The following TG variants were observed in gnomAD, a reference collection of about 807,000 sequenced individuals.
TG encodes the protein thyroglobulin, also known as thyroid hormones.
In TG, 270 loss-of-function variants were observed where a neutral mutation model predicts 324.7. The ratio of observed to expected loss-of-function variants is 0.83; its 90% CI spans 0.75 to 0.92. The LOEUF (loss-of-function observed/expected upper bound fraction) is 0.92. Ranked by LOEUF, TG falls within the 40% of genes least tolerant of loss-of-function variation. The pLI, the probability that TG is intolerant of heterozygous loss-of-function variation, is 0.00. For synonymous variants in TG, 1,401 were observed against 1,327.0 expected (o/e 1.06, Z -1.21); for missense variants, 3,591 against 3,456.4 (o/e 1.04, Z -0.98).
rs771809801 is a variant in TG at position 132,966,544 on chromosome 8, C to T, written c.5549-16C>T. The T allele has an allele frequency of 8.7e-6, 14 of 1,613,550 alleles. No individual in the cohort carries two copies. Among genetic ancestry groups the T allele is most frequent in the Non-Finnish European group, 1.1e-5 (13 of 1,179,886 alleles). The stretch of plus-strand genomic sequence containing the variant: ...AGTTAAAGGTGCAGGAAGTTGACTC[C>T]CTGCTTCTTTTTCAGGTTTGACAAC... On this transcript the variant is annotated splice_polypyrimidine_tract_variant and intron_variant, in intron 29 of 47. Coordinates refer to ENST00000220616, the MANE Select transcript of TG (RefSeq NM_003235.5).
intron 3 of TG, among the ~76,000 whole-genome samples, chr8:132,870,405 A>G (rs1839375649): frequency 6.8e-6 from 1 of 147,960 alleles, no homozygotes; most frequent in Admixed American, 6.8e-5. Flanking sequence ...CGCTGGCCCC[A>G]TACTCTCCTG....
chr8:132,908,628 G>A lies in TG; in HGVS notation c.4002+288G>A, dbSNP rs79143131. 5.2e-3 allele frequency among the ~76,000 whole-genome samples: 799 copies of A among 152,270 alleles called. 6 individuals carry two copies. Among genetic ancestry groups the A allele is most frequent in the African/African-American group, 0.014 (593 of 41,556 alleles). ...CTGAGGTCTAGTAGAGGGCTCAGAG[G>A]AGCCTGGCTAGAGTTTGGTTCATGA... is the stretch of plus-strand genomic sequence containing the variant. On this transcript the variant is annotated intron_variant, in intron 18 of 47. Coordinates refer to ENST00000220616, the MANE Select transcript of TG (RefSeq NM_003235.5).
intron 20 of TG, 56 bp downstream of exon 20, chr8:132,913,321 A>C: frequency 1.3e-6 from 2 of 1,554,712 alleles, no homozygotes; most frequent in East Asian, 4.5e-5. Context: ...GCTTTAGGAA[A>C]GGCCACCTCA....
intron 41 of TG, among the ~76,000 whole-genome samples, chr8:133,092,396 A>G (rs1437731920): frequency 1.3e-5 from 2 of 152,244 alleles, no homozygotes; most frequent in African/African-American, 4.8e-5. Context: ...ACTCCTCGCC[A>G]TTGAATAGCT....
chr8:132,946,353 T>C (rs1825293283), intron 26 of TG, among the ~76,000 whole-genome samples: 1 of 152,198 alleles, frequency 6.6e-6, no homozygotes, highest in Admixed American at 6.5e-5. Flanking sequence ...CCCTCCAAGT[T>C]TAACCTGTGA....
chr8:133,130,227 G>A (rs1042469270), intron 45 of TG, among the ~76,000 whole-genome samples: 2 of 152,154 alleles, frequency 1.3e-5, no homozygotes, highest in African/African-American at 4.8e-5. Context: ...GTTTATTTCT[G>A]TTCACTAGAA....
intron 41 of TG, among the ~76,000 whole-genome samples, chr8:133,075,748 C>G (rs569475121): frequency 6.6e-6 from 1 of 152,102 alleles, no homozygotes; most frequent in East Asian, 1.9e-4. Flanking sequence ...AAACCACAAT[C>G]ATTGTGGCAC....
rs115289948 is a variant in TG at position 132,935,187 on chromosome 8, C to T, written c.4933-569C>T. Among the ~76,000 whole-genome samples the T allele has an allele frequency of 3.1e-3, 458 of 149,324 alleles. 1 individual carries two copies. The highest frequency in any genetic ancestry group is 0.011 in the African/African-American group (434 of 40,670). On this transcript the variant is annotated intron_variant, in intron 24 of 47. Coordinates refer to ENST00000220616, the MANE Select transcript of TG (RefSeq NM_003235.5). Reference sequence around the variant, plus strand: ...ACAGAGTTTCACTCTGTCGTCCAGGCTGGAGTACAGTGGTGCAAACTAGGC... The same window carrying T: ...ACAGAGTTTCACTCTGTCGTCCAGGTTGGAGTACAGTGGTGCAAACTAGGC...
chr8:133,113,640 C>T (rs756534668), intron 44 of TG, 37 bp downstream of exon 44: 7 of 1,606,220 alleles, frequency 4.4e-6, no homozygotes, highest in Non-Finnish European at 6.0e-6. Flanking sequence ...ATTCCTACTG[C>T]TATGTTTTGG....
At chr8:133,114,098 T>G (rs10095146) in intron 44 of TG, among the ~76,000 whole-genome samples, 2,677 of 152,276 alleles carry the variant, frequency 0.018, 69 homozygotes, top group African/African-American at 0.06. Context: ...CTCCCTCAGC[T>G]GATTCCACCT....
intron 41 of TG, among the ~76,000 whole-genome samples, chr8:133,077,825 C>A (rs967084888): frequency 2.0e-5 from 3 of 151,758 alleles, no homozygotes; most frequent in Admixed American, 2.0e-4. Flanking sequence ...GAGGATGTGC[C>A]ACAGCATCTC....
At chr8:133,011,836 C>T (rs1834534899) in intron 35 of TG, 65 bp from the exon 36 acceptor site, 2 of 1,611,216 alleles carry the variant, frequency 1.2e-6, no homozygotes, top group South Asian at 1.1e-5. Flanking sequence ...TTGGGTAATA[C>T]ACGGCTGTCT....
At chr8:132,921,299 C>T (rs564882993) in intron 21 of TG, among the ~76,000 whole-genome samples, 1 of 152,312 alleles carries the variant, frequency 6.6e-6, no homozygotes, top group South Asian at 2.1e-4. Flanking sequence ...ATTCCCCACC[C>T]ATTTTGGGGG....
rs567422883 is a variant in TG at position 133,074,919 on chromosome 8, G to A, written c.7240-20125G>A. On this transcript the variant is annotated intron_variant, in intron 41 of 47. Coordinates refer to ENST00000220616, the MANE Select transcript of TG (RefSeq NM_003235.5). The stretch of plus-strand genomic sequence containing the variant: ...AGGGATTGCTGGGTGCAGAGTCACT[G>A]CCTCTCCGTCTGTCAACTGCTGCTG... 7.5e-5 allele frequency: 74 copies of A among 985,516 alleles called. No individual in the cohort carries two copies. In the South Asian group the frequency reaches 2.0e-3, roughly 27 times the overall value. 61.0% of individuals were successfully genotyped at this position (985,516 alleles called of 1,614,324 possible). A position where few individuals can be genotyped will look rare whatever the true frequency, so the allele number is the denominator to read the frequency against.
At chr8:132,892,070 C>T (rs1472460801) in intron 10 of TG, among the ~76,000 whole-genome samples, 3 of 152,178 alleles carry the variant, frequency 2.0e-5, no homozygotes, top group Non-Finnish European at 2.9e-5. Flanking sequence ...GGCTGAAGCT[C>T]GGAGAAGTTA....
chr8:132,925,516 C>CGCGTGTGTGTGT (rs1554670097), intron 22 of TG, among the ~76,000 whole-genome samples: 1 of 144,732 alleles, frequency 6.9e-6, no homozygotes, highest in Non-Finnish European at 1.5e-5. Context: ...CTAAGGAGTG[C>CGCGTGTGTGTGT]GTGTGTGTGT....
At chr8:133,090,378 C>T (rs1283107402) in intron 41 of TG, among the ~76,000 whole-genome samples, 1 of 152,140 alleles carries the variant, frequency 6.6e-6, no homozygotes. Context: ...ATAGTCCTTC[C>T]TACCTGATTT....
chr8:133,117,042 A>C (rs1850754764), intron 45 of TG, among the ~76,000 whole-genome samples: 1 of 152,222 alleles, frequency 6.6e-6, no homozygotes, highest in Non-Finnish European at 1.5e-5. Flanking sequence ...AGCTTAAGAC[A>C]TTGACTTTCC....
At chr8:132,976,569 G>C (rs1175376548) in intron 34 of TG, among the ~76,000 whole-genome samples, 2 of 152,194 alleles carry the variant, frequency 1.3e-5, no homozygotes, top group Non-Finnish European at 2.9e-5. Context: ...CTCTCCCCAA[G>C]CAGGTGGTCT....
Sources: gnomAD v4.1 joint callset for allele counts (sites outside exome capture counted in the v4.1 genomes callset) on GRCh38, gnomAD v4.1.1 for gene constraint, MANE v1.5 for transcripts, NCBI Gene and HGNC (gene_info 2026-07-23, HGNC 2026-07-21) for gene names.